MCPH1: variants seen among roughly 807,000 people sequenced by gnomAD.
The protein encoded by MCPH1 is microcephalin 1, also known as microcephalin.
A neutral mutation model predicts 84.5 loss-of-function variants in MCPH1; 104 were observed. The ratio of observed to expected loss-of-function variants is 1.23; its 90% confidence interval spans 1.05 to 1.45. The LOEUF (loss-of-function observed/expected upper bound fraction) is 1.45. MCPH1 is among the 40% of genes most tolerant of loss of function. MCPH1 has a pLI of 0.00. For synonymous variants in MCPH1, 514 were observed against 366.8 expected, an observed-to-expected ratio of 1.40 and a Z score of -4.58; for missense variants, 1,498 against 1,005.7, an observed-to-expected ratio of 1.49 and a Z score of -6.62.
At chr8:6,481,268 T>C (rs1809204093) in intron 11 of MCPH1, among the ~76,000 whole-genome samples, 1 of 152,246 alleles carries the variant, frequency 6.6e-6, no homozygotes, top group Admixed American at 6.5e-5. Flanking sequence ...AATTCAGTGA[T>C]TGTTTGTACA....
chr8:6,636,371 G>C (rs1797557270), intron 13 of MCPH1, among the ~76,000 whole-genome samples: 1 of 151,750 alleles, frequency 6.6e-6, no homozygotes, highest in African/African-American at 2.4e-5. Flanking sequence ...TCAGGAATGA[G>C]GGTGATGCCA....
chr8:6,570,794 T>C (rs572009305), intron 12 of MCPH1, among the ~76,000 whole-genome samples: 3 of 134,028 alleles, frequency 2.2e-5, no homozygotes, highest in African/African-American at 9.0e-5. Flanking sequence ...TTGGAGCAGA[T>C]GGATTGTTGT....
rs777975948 is a variant in MCPH1, at chr8:6,621,561, G to A, written c.2322G>A (p.Lys774=). ...VSPASSPPVA[K]LCELVHLCGG... is the part of the protein sequence containing the mutation. The stretch of plus-strand genomic sequence containing the variant: ...CTGCCAGCAGCCCCCCAGTGGCCAA[G>A]CTCTGTGAACTAGTCCACCTGTGCG... The change falls in exon 13 of 14, where the codon AAG becomes AAA. Residue 774 remains lysine, a synonymous_variant. Transcript: ENST00000344683. 22 of 1,614,108 alleles carry A rather than the reference G, an allele frequency of 1.4e-5. No homozygotes were observed. Among genetic ancestry groups the A allele is most frequent in the Non-Finnish European group, 1.8e-5 (21 of 1,180,056 alleles).
intron 12 of MCPH1, among the ~76,000 whole-genome samples, chr8:6,559,154 C>A (rs945553908): frequency 6.6e-6 from 1 of 151,978 alleles, no homozygotes; most frequent in African/African-American, 2.4e-5. Context: ...TTTCTTTCCT[C>A]TAATGAACCA....
chr8:6,409,643 T>C (rs1411350801), intron 2 of MCPH1, among the ~76,000 whole-genome samples: 1 of 151,814 alleles, frequency 6.6e-6, no homozygotes, highest in Non-Finnish European at 1.5e-5. Context: ...TTAAGCAAAG[T>C]GAGGAATACA....
chr8:6,625,340 G>A, intron 13 of MCPH1: 1 of 985,432 alleles, frequency 1.0e-6, no homozygotes, highest in Non-Finnish European at 1.2e-6. Flanking sequence ...GGTATCCATG[G>A]ATGTGTCCTC....
intron 12 of MCPH1, among the ~76,000 whole-genome samples, chr8:6,523,890 A>AT (rs367933701): frequency 0.46 from 65,600 of 143,856 alleles, 15,350 homozygotes; most frequent in East Asian, 0.74. Context: ...CCTGGCTGGC[A>AT]TTTTTTTTTT....
At chr8:6,485,713 G>T (rs1437429273) in intron 11 of MCPH1, among the ~76,000 whole-genome samples, 1 of 152,118 alleles carries the variant, frequency 6.6e-6, no homozygotes, top group African/African-American at 2.4e-5. Flanking sequence ...CGAAGGCTCA[G>T]GTGGCCTATG....
chr8:6,453,243 T>TG (rs1805284424), intron 8 of MCPH1, among the ~76,000 whole-genome samples: 2 of 152,240 alleles, frequency 1.3e-5, no homozygotes, highest in East Asian at 3.8e-4. Flanking sequence ...CTTTGCACTC[T>TG]CAACTGCTTT....
At chr8:6,412,393 A>G (rs2129551247) in intron 2 of MCPH1, among the ~76,000 whole-genome samples, 1 of 152,324 alleles carries the variant, frequency 6.6e-6, no homozygotes, top group South Asian at 2.1e-4. Context: ...TTCACCTTTT[A>G]TTTCAAAAAT....
intron 11 of MCPH1, among the ~76,000 whole-genome samples, chr8:6,497,192 T>C (rs914374670): frequency 4.0e-5 from 6 of 151,892 alleles, no homozygotes; most frequent in African/African-American, 1.5e-4. Context: ...AAATAAAAAG[T>C]TGAGAGGGCT....
chr8:6,564,737 G>A lies in MCPH1; in HGVS notation c.2215-56717G>A, dbSNP rs147001212. The stretch of plus-strand genomic sequence containing the variant: ...TTTCCCTTATCAATGAATAGTTAAC[G>A]AACAACAGTGTGAATATCTGTGACT... On this transcript the variant is annotated intron_variant, in intron 12 of 13. Transcript: ENST00000344683. 4.6e-3 allele frequency among the ~76,000 whole-genome samples: 701 copies of A among 152,212 alleles called. 2 individuals are homozygous for A. The highest frequency in any genetic ancestry group is 0.027 in the Middle Eastern group (8 of 294).
At chr8:6,457,573 C>T (rs951383006) in intron 9 of MCPH1, among the ~76,000 whole-genome samples, 4 of 152,090 alleles carry the variant, frequency 2.6e-5, no homozygotes, top group Non-Finnish European at 5.9e-5. Context: ...CCACTGCACT[C>T]CAGCCTGGGC....
At chr8:6,534,987 C>T (rs1353099882) in intron 12 of MCPH1, among the ~76,000 whole-genome samples, 2 of 152,196 alleles carry the variant, frequency 1.3e-5, no homozygotes, top group African/African-American at 2.4e-5. Context: ...TTACTCCTCA[C>T]AGCACCCCAG....
intron 9 of MCPH1, among the ~76,000 whole-genome samples, chr8:6,472,754 C>T (rs1328430671): frequency 6.6e-6 from 1 of 152,278 alleles, no homozygotes; most frequent in Non-Finnish European, 1.5e-5. Context: ...AGGGATAAGC[C>T]ACCATGTCCA....
intron 12 of MCPH1, among the ~76,000 whole-genome samples, chr8:6,613,848 C>T (rs1156998433): frequency 6.6e-6 from 1 of 152,132 alleles, no homozygotes; most frequent in Non-Finnish European, 1.5e-5. Flanking sequence ...GGCAGGGATG[C>T]TTTTGATCGC....
At chr8:6,526,140 C>T (rs1818281070) in intron 12 of MCPH1, among the ~76,000 whole-genome samples, 2 of 151,768 alleles carry the variant, frequency 1.3e-5, no homozygotes, top group African/African-American at 2.4e-5. Context: ...GAAAACGACG[C>T]CAGGTACGGT....
At chr8:6,637,427 G>A (rs1797635703) in intron 13 of MCPH1, among the ~76,000 whole-genome samples, 1 of 152,166 alleles carries the variant, frequency 6.6e-6, no homozygotes, top group African/African-American at 2.4e-5. Flanking sequence ...AGGGCTGAGA[G>A]GTCAGGAGAA....
At chr8:6,484,500 C>T (rs937429330) in intron 11 of MCPH1, among the ~76,000 whole-genome samples, 4 of 152,254 alleles carry the variant, frequency 2.6e-5, no homozygotes, top group African/African-American at 7.2e-5. Flanking sequence ...TAAATGTCCA[C>T]TCAGCAGTCC....
Sources: allele counts gnomAD v4.1 joint callset (sites outside exome capture counted in the v4.1 genomes callset), GRCh38; gene constraint gnomAD v4.1.1; transcripts MANE v1.5; gene names NCBI Gene and HGNC (gene_info 2026-07-23, HGNC 2026-07-21).